The following KIF15 variants were observed in gnomAD, a reference collection of about 807,000 sequenced individuals.
The protein encoded by KIF15 is kinesin-like protein KIF15.
In KIF15, 140 loss-of-function variants were observed where a neutral mutation model predicts 190.6. That is an observed-to-expected ratio of 0.73 (90% CI 0.64 to 0.84). KIF15 has a LOEUF of 0.84. Ranked by LOEUF, KIF15 falls within the 40% of genes least tolerant of loss-of-function variation. The pLI, the probability that KIF15 is intolerant of heterozygous loss-of-function variation, is 0.00. For synonymous variants in KIF15, 528 were observed against 551.3 expected (o/e 0.96, Z 0.59); for missense variants, 1,372 against 1,584.4 (o/e 0.87, Z 2.28).
chr3:44,774,546 CCTCAACCAG>C, intron 2 of KIF15, 109 bp downstream of exon 2: 1 of 914,942 alleles, frequency 1.1e-6, no homozygotes, highest in Non-Finnish European at 1.7e-6. Flanking sequence ...TTAACTTAGT[CCTCAACCAG>C]CTGGAAATGT....
rs369258161 is a variant in KIF15, at chr3:44,805,179, A to C, written c.1829+11A>C. ...CAAAGAACTTACTAGGTAAAGTCTA[A>C]ATACACATGCATGCACACTTATTTT... On this transcript the variant is annotated intron_variant, in intron 15 of 34. Coordinates refer to ENST00000326047, the MANE Select transcript of KIF15 (RefSeq NM_020242.3). 7.9e-5 allele frequency: 127 copies of C among 1,606,472 alleles called. No individual in the cohort carries two copies. Among genetic ancestry groups the C allele is most frequent in the Non-Finnish European group, 1.1e-4 (124 of 1,177,050 alleles).
Position 44,824,078 on chromosome 3 carries a change from C to T in KIF15, c.2550-1961C>T, listed in dbSNP as rs548877284. Among the ~76,000 whole-genome samples the T allele has an allele frequency of 1.6e-4, 24 of 152,300 alleles. No homozygotes were observed. The South Asian group carries it at 4.3e-3, about 28-fold the overall frequency. ...GTACCTCAGTTGGAAATGTAAAAAT[C>T]ACCCATCTTCTGCATCGATCCCGCT... On this transcript the variant is annotated intron_variant, in intron 20 of 34. Transcript: ENST00000326047.
intron 16 of KIF15, among the ~76,000 whole-genome samples, chr3:44,810,593 A>C (rs1230645744): frequency 6.6e-6 from 1 of 151,952 alleles, no homozygotes. Flanking sequence ...CTTCTTGTAC[A>C]TTTATTCTTT....
intron 11 of KIF15, among the ~76,000 whole-genome samples, chr3:44,801,208 C>CGGG (rs756053880): frequency 1.5e-4 from 13 of 84,828 alleles, no homozygotes; most frequent in African/African-American, 3.6e-4. Context: ...TCGGGGGCGG[C>CGGG]GGGAGGGGGG....
chr3:44,823,011 A>C (rs1456030219), intron 20 of KIF15, among the ~76,000 whole-genome samples: 1 of 152,110 alleles, frequency 6.6e-6, no homozygotes, highest in South Asian at 2.1e-4. Context: ...ACTTCTGTCA[A>C]CTCGTCAAAG....
chr3:44,824,637 A>C (rs1209956961), intron 20 of KIF15, among the ~76,000 whole-genome samples: 1 of 152,188 alleles, frequency 6.6e-6, no homozygotes, highest in Non-Finnish European at 1.5e-5. Context: ...CACTAATCTC[A>C]TGGGATCTTA....
intron 29 of KIF15, among the ~76,000 whole-genome samples, chr3:44,842,342 T>C (rs1017065835): frequency 6.6e-6 from 1 of 152,108 alleles, no homozygotes; most frequent in Non-Finnish European, 1.5e-5. Flanking sequence ...GTGGGGCACA[T>C]GGAAGAGTGT....
intron 3 of KIF15, among the ~76,000 whole-genome samples, chr3:44,777,795 G>T (rs1385768473): frequency 1.3e-5 from 2 of 152,200 alleles, no homozygotes. Context: ...TGACTGTTCA[G>T]TGCAAACTTA....
At chr3:44,789,511 G>A (rs1285701044) in intron 7 of KIF15, among the ~76,000 whole-genome samples, 1 of 151,238 alleles carries the variant, frequency 6.6e-6, no homozygotes, top group Non-Finnish European at 1.5e-5. Context: ...AGAAGAATAT[G>A]TATCCTTGGT....
chr3:44,834,245 A>T (rs1698202464), intron 26 of KIF15, among the ~76,000 whole-genome samples: 2 of 152,182 alleles, frequency 1.3e-5, no homozygotes, highest in Admixed American at 1.3e-4. Context: ...AGTATATTCA[A>T]ATTGTTCATA....
rs114636202 is a variant in KIF15 at position 44,861,893 on chromosome 3, A to G, written c.*59+9099A>G. 3.9e-3 allele frequency: 5,874 copies of G among 1,487,992 alleles called. 153 individuals carry two copies. In the African/African-American group the frequency reaches 0.066, roughly 17 times the overall value. The allele number at this position is 1,487,992 out of a possible 1,614,324, so 92.2% of individuals were successfully genotyped here. Reference sequence around the variant, plus strand: ...GCGGCGCGCGCTCTGCCCTGCGGGCAGCGGGTGCCAGGCACGGTGTCAGCA... The same window carrying G: ...GCGGCGCGCGCTCTGCCCTGCGGGCGGCGGGTGCCAGGCACGGTGTCAGCA... On this transcript the variant is annotated intron_variant and NMD_transcript_variant, in intron 6 of 6. Transcript: ENST00000422209.
intron 20 of KIF15, among the ~76,000 whole-genome samples, chr3:44,822,969 C>T (rs935934258): frequency 6.6e-6 from 1 of 152,052 alleles, no homozygotes; most frequent in African/African-American, 2.4e-5. Flanking sequence ...TTTAGCTTGT[C>T]GAAGTTTGTT....
At chr3:44,799,306 G>A (rs1270065577) in intron 10 of KIF15, 5 of 456,582 alleles carry the variant, frequency 1.1e-5, no homozygotes, top group Admixed American at 2.3e-5. Flanking sequence ...GCCCTTTGCA[G>A]CCTATCAGTG....
At chr3:44,765,059 T>C (rs1705321379) in intron 1 of KIF15, among the ~76,000 whole-genome samples, 3 of 152,268 alleles carry the variant, frequency 2.0e-5, no homozygotes, top group African/African-American at 7.2e-5. Context: ...GGATTTAGCA[T>C]GCCTTCGTTC....
rs1483930118 is a variant in KIF15 at position 44,820,137 on chromosome 3, G to C, written c.2549+5061G>C. ...ATCCCTTTATTTTGAACCTATGTGTGTCTCTGCACGTAAGATGGGTCTCCT... is the reference window on the plus strand; with the variant it reads ...ATCCCTTTATTTTGAACCTATGTGTCTCTCTGCACGTAAGATGGGTCTCCT... On this transcript the variant is annotated intron_variant, in intron 20 of 34. Coordinates refer to ENST00000326047, the MANE Select transcript of KIF15 (RefSeq NM_020242.3). Among the ~76,000 whole-genome samples, 16 of 152,026 alleles carry C rather than the reference G, an allele frequency of 1.1e-4. 1 individual carries two copies. The highest frequency in any genetic ancestry group is 3.3e-4 in the Admixed American group (5 of 15,270).
chr3:44,793,522 G>A (rs1706821229), intron 7 of KIF15, among the ~76,000 whole-genome samples: 1 of 152,144 alleles, frequency 6.6e-6, no homozygotes, highest in South Asian at 2.1e-4. Context: ...TTCTGTTTCT[G>A]TAATGTGGAA....
At chr3:44,774,166 A>G (rs1051903596) in intron 1 of KIF15, among the ~76,000 whole-genome samples, 6 of 152,206 alleles carry the variant, frequency 3.9e-5, no homozygotes, top group African/African-American at 1.4e-4. Flanking sequence ...TGACCTGGGC[A>G]GCATTTGACT....
downstream of KIF15, among the ~76,000 whole-genome samples, chr3:44,853,653 C>T (rs1445975821): frequency 6.6e-6 from 1 of 152,132 alleles, no homozygotes; most frequent in African/African-American, 2.4e-5. Context: ...TTAGGTATAC[C>T]ATTTTACATT....
chr3:44,812,070 GTTTTGAA>G (rs1174223603), intron 17 of KIF15, 105 bp from the exon 18 acceptor site: 1 of 764,068 alleles, frequency 1.3e-6, no homozygotes, highest in East Asian at 2.6e-5. Flanking sequence ...TTCATATGAG[GTTTTGAA>G]TTTGTTTTGT....
Sources: gnomAD v4.1 joint callset for allele counts (sites outside exome capture counted in the v4.1 genomes callset) on GRCh38, gnomAD v4.1.1 for gene constraint, MANE v1.5 for transcripts, NCBI Gene and HGNC (gene_info 2026-07-23, HGNC 2026-07-21) for gene names.